TRMT11: variants seen among roughly 807,000 people sequenced by gnomAD.
TRMT11 encodes tRNA methyltransferase 11, also known as tRNA (guanine(10)-N(2))-methyltransferase TRMT11.
A neutral mutation model predicts 62.8 loss-of-function variants in TRMT11; 53 were observed. That is an observed-to-expected ratio of 0.84 (90% CI 0.68 to 1.06). TRMT11 has a LOEUF of 1.06. TRMT11 is among the 50% of genes least tolerant of loss of function. The pLI is 0.00. For synonymous variants in TRMT11, 188 were observed against 190.3 expected, an observed-to-expected ratio of 0.99 and a Z score of 0.10; for missense variants, 556 against 553.4, an observed-to-expected ratio of 1.00 and a Z score of -0.05.
chr6:126,103,802 A>G (rs1777431428), intron 17 of TRMT11, among the ~76,000 whole-genome samples: 1 of 152,214 alleles, frequency 6.6e-6, no homozygotes, highest in South Asian at 2.1e-4. Context: ...TTTGCTGGTA[A>G]GATGGAGTCT....
At chr6:126,167,781 C>T (rs112120898) in intron 21 of TRMT11, among the ~76,000 whole-genome samples, 1,917 of 152,280 alleles carry the variant, frequency 0.013, 20 homozygotes, top group Non-Finnish European at 0.021. Flanking sequence ...AGTCTTCATA[C>T]GCTCAACAGA....
At chr6:126,153,998 C>T (rs1478495609) in intron 21 of TRMT11, among the ~76,000 whole-genome samples, 1 of 152,144 alleles carries the variant, frequency 6.6e-6, no homozygotes, top group Non-Finnish European at 1.5e-5. Context: ...TGCGGTCTTA[C>T]GTGTTTGAGA....
intron 21 of TRMT11, among the ~76,000 whole-genome samples, chr6:126,119,567 A>G (rs1317335255): frequency 1.3e-5 from 2 of 151,884 alleles, no homozygotes; most frequent in Non-Finnish European, 2.9e-5. Context: ...AAACCGATGC[A>G]TGGAAAGATG....
At chr6:126,101,575 G>A (rs560478034) in intron 17 of TRMT11, among the ~76,000 whole-genome samples, 121 of 152,252 alleles carry the variant, frequency 7.9e-4, no homozygotes, top group African/African-American at 2.8e-3. Flanking sequence ...GCTCTTATAG[G>A]CTTCAGTTCT....
At chr6:126,078,616 C>G (rs1041818041) in intron 17 of TRMT11, among the ~76,000 whole-genome samples, 4 of 152,144 alleles carry the variant, frequency 2.6e-5, no homozygotes, top group African/African-American at 7.2e-5. Flanking sequence ...GTTAGAGAGT[C>G]AAGCTGCTTT....
the TRMT11 span, among the ~76,000 whole-genome samples, chr6:126,262,881 C>T: frequency 6.6e-6 from 1 of 151,944 alleles, no homozygotes; most frequent in East Asian, 1.9e-4. Flanking sequence ...TTGCTATTTC[C>T]CTGGTGCTTT....
At chr6:126,063,535 G>A (rs958976185) in intron 17 of TRMT11, among the ~76,000 whole-genome samples, 1 of 152,178 alleles carries the variant, frequency 6.6e-6, no homozygotes, top group Non-Finnish European at 1.5e-5. Flanking sequence ...ATTAAACTTT[G>A]TGTTACAACA....
intron 17 of TRMT11, among the ~76,000 whole-genome samples, chr6:126,104,727 A>T (rs1283431606): frequency 1.3e-5 from 2 of 152,242 alleles, no homozygotes; most frequent in Non-Finnish European, 2.9e-5. Flanking sequence ...AATATGAGAC[A>T]CATTTACTTA....
chr6:126,029,286 G>C (rs1419347232), intron 12 of TRMT11, among the ~76,000 whole-genome samples: 1 of 152,040 alleles, frequency 6.6e-6, no homozygotes, highest in Non-Finnish European at 1.5e-5. Flanking sequence ...GTACACTTTA[G>C]TAATTATAAA....
chr6:126,155,021 C>CTA (rs1001144331), intron 21 of TRMT11, among the ~76,000 whole-genome samples: 2 of 152,136 alleles, frequency 1.3e-5, no homozygotes, highest in Non-Finnish European at 2.9e-5. Context: ...GGGTTGGTCT[C>CTA]TAAACTCATT....
At chr6:126,060,526 G>T (rs530318977) in intron 17 of TRMT11, among the ~76,000 whole-genome samples, 1 of 152,204 alleles carries the variant, frequency 6.6e-6, no homozygotes, top group Non-Finnish European at 1.5e-5. Flanking sequence ...TCTCCAGAGA[G>T]AATAGTCCAT....
the TRMT11 span, among the ~76,000 whole-genome samples, chr6:126,269,352 A>G: frequency 6.6e-6 from 1 of 152,204 alleles, no homozygotes; most frequent in East Asian, 1.9e-4. Flanking sequence ...ATAAAGCAAA[A>G]TACACCTCTA....
the TRMT11 span, among the ~76,000 whole-genome samples, chr6:126,252,086 T>C: frequency 6.6e-6 from 1 of 152,204 alleles, no homozygotes; most frequent in East Asian, 1.9e-4. Flanking sequence ...AAGAACCATT[T>C]TAATATGCTC....
chr6:125,991,834 G>C (rs1477267403), intron 1 of TRMT11, among the ~76,000 whole-genome samples: 1 of 152,132 alleles, frequency 6.6e-6, no homozygotes, highest in Non-Finnish European at 1.5e-5. Context: ...ACTTAATGTA[G>C]TACTTATTGT....
At chr6:126,066,344 A>G (rs1312436803) in intron 17 of TRMT11, among the ~76,000 whole-genome samples, 1 of 152,222 alleles carries the variant, frequency 6.6e-6, no homozygotes, top group Non-Finnish European at 1.5e-5. Context: ...AAGTGACATC[A>G]ACAACAAATA....
At chr6:126,141,331 C>A (rs1692698675) in intron 21 of TRMT11, among the ~76,000 whole-genome samples, 1 of 152,090 alleles carries the variant, frequency 6.6e-6, no homozygotes, top group African/African-American at 2.4e-5. Flanking sequence ...CTAGTTACAG[C>A]TTTAATCAAT....
At chr6:126,123,154 A>T (rs947906451) in intron 21 of TRMT11, among the ~76,000 whole-genome samples, 1 of 152,150 alleles carries the variant, frequency 6.6e-6, no homozygotes, top group Non-Finnish European at 1.5e-5. Flanking sequence ...ACAAGCACTT[A>T]AAACAGTGCC....
At chr6:126,000,155 A>G (rs116438177) in intron 7 of TRMT11, among the ~76,000 whole-genome samples, 1,801 of 152,284 alleles carry the variant, frequency 0.012, 27 homozygotes, top group African/African-American at 0.041. Context: ...TCACTGTGGC[A>G]GTGACCTTGG....
chr6:126,051,380 A>T (rs1562306894), intron 16 of TRMT11, among the ~76,000 whole-genome samples: 1 of 152,072 alleles, frequency 6.6e-6, no homozygotes, highest in Non-Finnish European at 1.5e-5. Flanking sequence ...TGAACTGGGG[A>T]TCAACAATAT....
Sources: gnomAD v4.1 joint callset for allele counts (sites outside exome capture counted in the v4.1 genomes callset) on GRCh38, gnomAD v4.1.1 for gene constraint, MANE v1.5 for transcripts, NCBI Gene and HGNC (gene_info 2026-07-23, HGNC 2026-07-21) for gene names.